The following LSAMP variants were observed in gnomAD, a reference collection of about 807,000 sequenced individuals.
LSAMP encodes limbic system-associated membrane protein.
A neutral mutation model predicts 38.6 loss-of-function variants in LSAMP; 7 were observed. The observed-to-expected ratio is 0.18, with a 90% CI of 0.10 to 0.34. LSAMP has a LOEUF of 0.34. LSAMP is among the 10% of genes least tolerant of loss of function. The pLI is 1.00. For synonymous variants in LSAMP, 154 were observed against 166.8 expected (o/e 0.92, Z 0.59); for missense variants, 313 against 420.0 (o/e 0.75, Z 2.23).
chr3:115,934,712 A>G (rs1208968385), intron 3 of LSAMP, among the ~76,000 whole-genome samples: 1 of 152,230 alleles, frequency 6.6e-6, no homozygotes, highest in African/African-American at 2.4e-5. Context: ...GCTTCACTCC[A>G]TATGTAGAAG....
chr3:116,069,393 G>A (rs1195883258), intron 2 of LSAMP, among the ~76,000 whole-genome samples: 3 of 152,294 alleles, frequency 2.0e-5, no homozygotes, highest in East Asian at 3.9e-4. Context: ...GACTCATTCC[G>A]GGTCAGACTC....
At chr3:115,858,670 A>G (rs1041933379) in intron 3 of LSAMP, among the ~76,000 whole-genome samples, 1 of 152,188 alleles carries the variant, frequency 6.6e-6, no homozygotes, top group Non-Finnish European at 1.5e-5. Flanking sequence ...ACAAACATAC[A>G]TACAGTTTAA....
At chr3:115,865,694 T>A (rs1353902839) in intron 3 of LSAMP, among the ~76,000 whole-genome samples, 2 of 152,204 alleles carry the variant, frequency 1.3e-5, no homozygotes, top group African/African-American at 4.8e-5. Context: ...GGGATGAGGC[T>A]CAGGAATCCA....
chr3:115,828,476 C>G (rs554322934), intron 6 of LSAMP, among the ~76,000 whole-genome samples: 1 of 152,330 alleles, frequency 6.6e-6, no homozygotes, highest in Admixed American at 6.5e-5. Context: ...AACAATGTTT[C>G]TCACAGTCGA....
chr3:116,379,568 A>T (rs1237028826), intron 1 of LSAMP, among the ~76,000 whole-genome samples: 1 of 152,080 alleles, frequency 6.6e-6, no homozygotes, highest in Non-Finnish European at 1.5e-5. Flanking sequence ...TTTCTGGAAG[A>T]TTGCTCAGAT....
intron 3 of LSAMP, among the ~76,000 whole-genome samples, chr3:115,947,815 C>A (rs1160632639): frequency 1.3e-5 from 2 of 152,150 alleles, no homozygotes; most frequent in Non-Finnish European, 2.9e-5. Context: ...GAGCCAGCCT[C>A]ATGGGTAACA....
chr3:115,989,001 G>C (rs1165114220), intron 3 of LSAMP, among the ~76,000 whole-genome samples: 1 of 151,992 alleles, frequency 6.6e-6, no homozygotes, highest in Non-Finnish European at 1.5e-5. Context: ...TTCTAAATGA[G>C]AGGAGCATAG....
chr3:116,266,196 C>T (rs2046889769), intron 1 of LSAMP, among the ~76,000 whole-genome samples: 1 of 152,178 alleles, frequency 6.6e-6, no homozygotes, highest in Non-Finnish European at 1.5e-5. Flanking sequence ...CAGAGAAATA[C>T]TACTTAATTA....
intron 1 of LSAMP, among the ~76,000 whole-genome samples, chr3:116,388,716 G>T (rs916029446): frequency 1.3e-5 from 2 of 152,098 alleles, no homozygotes; most frequent in African/African-American, 4.8e-5. Context: ...TATCCAAAAT[G>T]TTCATTTGAA....
At chr3:115,855,847 C>T (rs1410050230) in intron 3 of LSAMP, among the ~76,000 whole-genome samples, 1 of 152,188 alleles carries the variant, frequency 6.6e-6, no homozygotes, top group African/African-American at 2.4e-5. Flanking sequence ...CATTCAGAGA[C>T]ACCCCTGGGC....
At chr3:116,051,394 T>C (rs1234286810) in intron 2 of LSAMP, 1 of 152,222 alleles carries the variant, frequency 6.6e-6, no homozygotes, top group East Asian at 1.9e-4. Flanking sequence ...AAGCTGCTTC[T>C]TGCAGCACAA....
Position 116,044,799 on chromosome 3 carries a change from TAAG to T in LSAMP, c.389-25162_389-25160del, listed in dbSNP as rs556101278. On this transcript the variant is annotated intron_variant, in intron 2 of 6. Coordinates refer to ENST00000490035, the MANE Select transcript of LSAMP (RefSeq NM_002338.5). ...GTAATGTGAACAAAACCTGTGTTTGTAAGAAGGAGAGGTGAGCATGGGGAGCTC... is the reference window on the plus strand; with the variant it reads ...GTAATGTGAACAAAACCTGTGTTTGTAAGGAGAGGTGAGCATGGGGAGCTC... Among the ~76,000 whole-genome samples the T allele has an allele frequency of 2.3e-3, 356 of 152,252 alleles. 3 individuals carry two copies. Among genetic ancestry groups the T allele is most frequent in the East Asian group, 0.011 (59 of 5,170 alleles).
At chr3:116,023,669 C>T (rs977122139) in intron 2 of LSAMP, among the ~76,000 whole-genome samples, 3 of 151,420 alleles carry the variant, frequency 2.0e-5, no homozygotes, top group South Asian at 2.1e-4. Context: ...CTCACTGCCA[C>T]ACATTCACCA....
intron 2 of LSAMP, among the ~76,000 whole-genome samples, chr3:116,043,866 A>C (rs1941232207): frequency 1.3e-5 from 2 of 152,242 alleles, no homozygotes; most frequent in African/African-American, 4.8e-5. Flanking sequence ...GAATGGCGTG[A>C]ACCGGTCAGG....
chr3:116,033,088 G>T (rs1176140196), intron 2 of LSAMP, among the ~76,000 whole-genome samples: 1 of 152,076 alleles, frequency 6.6e-6, no homozygotes, highest in Non-Finnish European at 1.5e-5. Flanking sequence ...TCTAAATAAT[G>T]GTGATAATAT....
At chr3:115,858,411 A>G (rs2107531128) in intron 3 of LSAMP, among the ~76,000 whole-genome samples, 1 of 152,320 alleles carries the variant, frequency 6.6e-6, no homozygotes, top group South Asian at 2.1e-4. Flanking sequence ...TACAAAGAAT[A>G]CAATTTAGGA....
At chr3:115,836,025 T>C (rs916592949) in intron 6 of LSAMP, among the ~76,000 whole-genome samples, 2 of 152,206 alleles carry the variant, frequency 1.3e-5, no homozygotes, top group African/African-American at 4.8e-5. Context: ...TTATTTTTAT[T>C]ATTACTATTA....
intron 1 of LSAMP, among the ~76,000 whole-genome samples, chr3:116,187,298 G>T (rs1426770312): frequency 6.6e-6 from 1 of 152,160 alleles, no homozygotes; most frequent in Non-Finnish European, 1.5e-5. Flanking sequence ...CAATATCCAT[G>T]TGGGTATCTT....
In LSAMP at chr3:115,954,755, G is replaced by A. The variant is rs1032405809; in HGVS notation, c.514+64760C>T. Among the ~76,000 whole-genome samples the A allele has an allele frequency of 7.2e-5, 11 of 152,132 alleles. No homozygotes were observed. The East Asian group carries it at 1.9e-3, about 27-fold the overall frequency. On this transcript the variant is annotated intron_variant, in intron 3 of 6. Coordinates refer to ENST00000490035, the MANE Select transcript of LSAMP (RefSeq NM_002338.5). ...CACTTTTCTAGTAGTTTTTAATCAG[G>A]AAGATATTGGCTCAGGCTTTTAAAA...
Sources: allele counts gnomAD v4.1 joint callset (sites outside exome capture counted in the v4.1 genomes callset), GRCh38; gene constraint gnomAD v4.1.1; transcripts MANE v1.5; gene names NCBI Gene and HGNC (gene_info 2026-07-23, HGNC 2026-07-21).